TPH2: variants seen among roughly 807,000 people sequenced by gnomAD.
TPH2 encodes the protein tryptophan hydroxylase 2, also known as tryptophan 5-hydroxylase 2.
Under a neutral mutation model 59.1 loss-of-function variants are expected in TPH2, and 27 were observed. That is an observed-to-expected ratio of 0.46 (90% CI 0.34 to 0.63). The LOEUF (loss-of-function observed/expected upper bound fraction) is 0.63, where lower values mean the gene tolerates loss of function less well. TPH2 is among the 30% of genes least tolerant of loss of function. The pLI is 0.01. For missense variants in TPH2, 523 were observed against 588.3 expected (o/e 0.89, Z 1.15); for synonymous variants, 220 against 210.5 (o/e 1.05, Z -0.39).
At chr12:72,001,436 T>C (rs1442616011) in intron 8 of TPH2, among the ~76,000 whole-genome samples, 1 of 151,992 alleles carries the variant, frequency 6.6e-6, no homozygotes, top group African/African-American at 2.4e-5. Flanking sequence ...TTCTTTTTTT[T>C]TTTTTTTGAG....
chr12:71,942,141 T>C (rs1333655117), intron 2 of TPH2, among the ~76,000 whole-genome samples: 2 of 152,218 alleles, frequency 1.3e-5, no homozygotes, highest in African/African-American at 2.4e-5. Flanking sequence ...AAAACTGAGA[T>C]ACATGAATAT....
intron 6 of TPH2, among the ~76,000 whole-genome samples, chr12:71,974,971 T>A (rs1263149662): frequency 6.6e-6 from 1 of 152,200 alleles, no homozygotes; most frequent in Non-Finnish European, 1.5e-5. Flanking sequence ...AAAGGCCAGT[T>A]GGTAAATATT....
intron 5 of TPH2, chr12:71,961,514 A>G (rs1022192839): frequency 8.1e-6 from 11 of 1,350,322 alleles, no homozygotes; most frequent in Non-Finnish European, 9.8e-6. Context: ...TATCTGATTA[A>G]ATCTGTGACT....
intron 5 of TPH2, chr12:71,961,574 T>C (rs758027158): frequency 7.4e-7 from 1 of 1,352,146 alleles, no homozygotes. Context: ...TGTTAGCTGC[T>C]ATTGGCGACT....
intron 6 of TPH2, among the ~76,000 whole-genome samples, chr12:71,975,844 C>T (rs972542598): frequency 1.3e-5 from 2 of 152,246 alleles, no homozygotes; most frequent in African/African-American, 2.4e-5. Context: ...GTTAACTAGA[C>T]TGTATTCTCC....
At chr12:71,961,622 C>T in intron 5 of TPH2, 1 of 1,352,100 alleles carries the variant, frequency 7.4e-7, no homozygotes, top group Non-Finnish European at 9.8e-7. Flanking sequence ...GTTCTTTGAG[C>T]TCAAGCTCCT....
intron 7 of TPH2, among the ~76,000 whole-genome samples, chr12:71,985,287 A>G (rs1378154396): frequency 1.3e-5 from 2 of 152,210 alleles, no homozygotes; most frequent in Non-Finnish European, 2.9e-5. Context: ...AGTAACACTA[A>G]ACAAAAATAC....
Position 71,938,936 on chromosome 12 carries a change from C to A in TPH2, c.-51C>A. ...CTCTCAATCTCCGCCAGCGCTGCTA[C>A]TGCCCCTCTAGTACCCCCTGCTGCA... On this transcript the variant is annotated 5_prime_UTR_variant, in exon 1 of 11. The change creates a new upstream start codon in the 5' untranslated region. Coordinates refer to ENST00000333850, the MANE Select transcript of TPH2 (RefSeq NM_173353.4). The A allele has an allele frequency of 6.8e-7, 1 of 1,477,924 alleles. No individual in the cohort carries two copies. The highest frequency in any genetic ancestry group is 9.5e-7 in the Non-Finnish European group (1 of 1,057,522). The allele number at this position is 1,477,924 out of a possible 1,614,324, so 91.6% of individuals were successfully genotyped here. A position where few individuals can be genotyped will look rare whatever the true frequency, so the allele number is the denominator to read the frequency against.
intron 9 of TPH2, among the ~76,000 whole-genome samples, chr12:72,023,823 A>AAAAAAAAAAAAAAAG (rs1873493787): frequency 6.8e-6 from 1 of 147,888 alleles, no homozygotes. Flanking sequence ...CTCTGACAGA[A>AAAAAAAAAAAAAAAG]AAAAAAAAAA....
Position 71,949,027 on chromosome 12 carries a change from C to A in TPH2, c.541-561C>A, listed in dbSNP as rs1871275481. On this transcript the variant is annotated intron_variant, in intron 4 of 10. Coordinates refer to ENST00000333850, the MANE Select transcript of TPH2 (RefSeq NM_173353.4). ...GAGTGAAATGGTGCCAGGCTTCTGT[C>A]CTGTGCATGAATTCCCTAAAATCGA... 2.0e-5 allele frequency among the ~76,000 whole-genome samples: 3 copies of A among 152,158 alleles called. No individual in the cohort carries two copies. The South Asian group carries it at 6.2e-4, about 32-fold the overall frequency.
chr12:71,992,018 T>A (rs1162778164), intron 7 of TPH2, among the ~76,000 whole-genome samples: 1 of 152,204 alleles, frequency 6.6e-6, no homozygotes, highest in African/African-American at 2.4e-5. Flanking sequence ...GGAGCCTGAT[T>A]GAATTAGTCT....
intron 7 of TPH2, among the ~76,000 whole-genome samples, chr12:71,984,708 T>G (rs1324487547): frequency 6.6e-6 from 1 of 152,224 alleles, no homozygotes; most frequent in East Asian, 1.9e-4. Flanking sequence ...CATAGCACTA[T>G]TACCATTCTT....
At chr12:71,941,862 T>A (rs183956994) in intron 2 of TPH2, 129 bp downstream of exon 2, 141 of 1,042,190 alleles carry the variant, frequency 1.4e-4, no homozygotes, top group Non-Finnish European at 1.9e-4. Context: ...GGAACCAAAC[T>A]TCGTGAGGCT....
In TPH2 at chr12:71,994,512, A is replaced by G; in HGVS notation, c.1015A>G (p.Ile339Val). The G allele has an allele frequency of 6.2e-7, 1 of 1,614,038 alleles. No individual in the cohort carries two copies. Among genetic ancestry groups the G allele is most frequent in the Non-Finnish European group, 8.5e-7 (1 of 1,179,910 alleles). ...TAAGTTTGCTCAGTTTTCACAAGAA[A>G]TAGGTCTGGCGTCTCTGGGAGCATC... ...DPKFAQFSQEIGLASLGASDE... is the reference protein window; with the variant it reads ...DPKFAQFSQEVGLASLGASDE... Residue 339 changes from isoleucine to valine, a missense_variant, in exon 8 of 11, where the codon ATA becomes GTA. Ile to Val is a conservative substitution (Grantham distance 29). Transcript: ENST00000333850.
chr12:72,008,741 T>C (rs1442967051), intron 8 of TPH2, among the ~76,000 whole-genome samples: 2 of 152,294 alleles, frequency 1.3e-5, no homozygotes, highest in East Asian at 3.9e-4. Context: ...TTCTGAGTCC[T>C]GGGTCCAGTC....
In TPH2 at chr12:72,007,983, C is replaced by A. The variant is rs76577168; in HGVS notation, c.1068+13418C>A. 1.8e-3 allele frequency among the ~76,000 whole-genome samples: 268 copies of A among 152,260 alleles called. 5 individuals carry two copies. In the East Asian group the frequency reaches 0.046, roughly 26 times the overall value. On this transcript the variant is annotated intron_variant, in intron 8 of 10. Coordinates refer to ENST00000333850, the MANE Select transcript of TPH2 (RefSeq NM_173353.4). Reference sequence around the variant, plus strand: ...TATTCATTAAGTAATATTTACTGAGCAACTACTATGTGTCAGGACTTAGTT... The same window carrying A: ...TATTCATTAAGTAATATTTACTGAGAAACTACTATGTGTCAGGACTTAGTT...
chr12:72,014,484 T>G (rs925172736), intron 8 of TPH2, among the ~76,000 whole-genome samples: 6 of 149,692 alleles, frequency 4.0e-5, no homozygotes, highest in African/African-American at 1.5e-4. Flanking sequence ...TCCGCCTCCC[T>G]GTTTCAAGTG....
chr12:72,003,001 A>T lies in TPH2; in HGVS notation c.1068+8436A>T, dbSNP rs1045991899. On this transcript the variant is annotated intron_variant, in intron 8 of 10. Transcript: ENST00000333850. The stretch of plus-strand genomic sequence containing the variant: ...CTAATAATCAACTATAATTTATGTT[A>T]GAAGTGTAATTATAAAGGTAACCTT... Among the ~76,000 whole-genome samples, 69 of 152,216 alleles carry T rather than the reference A, an allele frequency of 4.5e-4. 1 individual carries two copies. The highest frequency in any genetic ancestry group is 1.2e-4 in the Non-Finnish European group (8 of 68,040).
rs1873526864 is a variant in TPH2 at position 72,024,917 on chromosome 12, T to C, written c.1164+2423T>C. ...TCCAATTTCTATACCTCAACACCCCTAAGATTGCTACACTGGACCATTTTT... is the reference window on the plus strand; with the variant it reads ...TCCAATTTCTATACCTCAACACCCCCAAGATTGCTACACTGGACCATTTTT... On this transcript the variant is annotated intron_variant, in intron 9 of 10. Transcript: ENST00000333850. Among the ~76,000 whole-genome samples the C allele has an allele frequency of 2.6e-5, 4 of 152,170 alleles. No homozygotes were observed. The South Asian group carries it at 8.3e-4, about 32-fold the overall frequency.
Sources: gnomAD v4.1 joint callset for allele counts (sites outside exome capture counted in the v4.1 genomes callset) on GRCh38, gnomAD v4.1.1 for gene constraint, MANE v1.5 for transcripts, NCBI Gene and HGNC (gene_info 2026-07-23, HGNC 2026-07-21) for gene names.